Variants in VWA8 observed in about 807,000 individuals in gnomAD.
VWA8 encodes von Willebrand factor A domain-containing protein 8.
A neutral mutation model predicts 241.5 loss-of-function variants in VWA8; 221 were observed. The ratio of observed to expected loss-of-function variants is 0.91; its 90% CI spans 0.82 to 1.02. The LOEUF (loss-of-function observed/expected upper bound fraction) is 1.02, where lower values mean the gene tolerates loss of function less well. Among genes scored for constraint, VWA8 ranks in the 50% least tolerant of loss-of-function variants. The pLI is 0.00. For synonymous variants in VWA8, 852 were observed against 827.1 expected (o/e 1.03, Z -0.52); for missense variants, 2,322 against 2,328.7 (o/e 1.00, Z 0.06).
chr13:41,819,136 A>C (rs1870832656), intron 15 of VWA8, 82 bp downstream of exon 15: 1 of 1,411,280 alleles, frequency 7.1e-7, no homozygotes, highest in Non-Finnish European at 9.5e-7. Flanking sequence ...AAAATGTCTA[A>C]CTCTACTTTG....
At chr13:41,590,815 T>A in intron 40 of VWA8, 50 bp from the exon 41 acceptor site, 1 of 1,598,068 alleles carries the variant, frequency 6.3e-7, no homozygotes, top group Non-Finnish European at 8.6e-7. Context: ...TTATGCAGAG[T>A]CTCTGACATA....
intron 20 of VWA8, among the ~76,000 whole-genome samples, chr13:41,762,519 CT>C (rs1412005420): frequency 6.6e-6 from 1 of 152,110 alleles, no homozygotes; most frequent in African/African-American, 2.4e-5. Context: ...GAATATCTTT[CT>C]TTCAGTTTGA....
intron 37 of VWA8, among the ~76,000 whole-genome samples, chr13:41,625,076 AC>A (rs2044680787): frequency 6.6e-6 from 1 of 152,222 alleles, no homozygotes; most frequent in South Asian, 2.1e-4. Flanking sequence ...CACAATAGCC[AC>A]AAAAAGAGTA....
chr13:41,937,890 G>C (rs992104063), intron 2 of VWA8, among the ~76,000 whole-genome samples: 7 of 152,184 alleles, frequency 4.6e-5, no homozygotes, highest in Admixed American at 6.5e-5. Context: ...GCCAGCCATG[G>C]TAGCTCACAC....
chr13:41,814,895 G>A (rs971923636), intron 16 of VWA8, among the ~76,000 whole-genome samples: 2 of 152,106 alleles, frequency 1.3e-5, no homozygotes, highest in Non-Finnish European at 2.9e-5. Flanking sequence ...ACTGAAATCC[G>A]AGAGAAGGAA....
intron 14 of VWA8, 29 bp from the exon 15 acceptor site, chr13:41,819,415 T>C (rs750735884): frequency 1.9e-6 from 3 of 1,580,886 alleles, no homozygotes; most frequent in Middle Eastern, 1.7e-4. Context: ...TGAAAAAAAA[T>C]AACATATCTT....
At chr13:41,798,330 T>G (rs1344651045) in intron 17 of VWA8, among the ~76,000 whole-genome samples, 2 of 152,198 alleles carry the variant, frequency 1.3e-5, no homozygotes, top group Non-Finnish European at 2.9e-5. Flanking sequence ...GTCTCCTGCT[T>G]ACTGAAATAT....
Position 41,598,808 on chromosome 13 carries a change from C to T in VWA8, c.4986+6360G>A, listed in dbSNP as rs12857588. On this transcript the variant is annotated intron_variant, in intron 40 of 44. Transcript: ENST00000379310. ...TCTCTGACAATAGCTTGTTTTTCAA[C>T]TGCTTCTCTGCTTTTAGGATTTTTT... Among the ~76,000 whole-genome samples, 1,114 of 150,518 alleles carry T rather than the reference C, an allele frequency of 7.4e-3. 8 individuals carry two copies. The highest frequency in any genetic ancestry group is 0.033 in the South Asian group (156 of 4,718).
At chr13:41,920,287 C>T (rs2138124738) in intron 2 of VWA8, among the ~76,000 whole-genome samples, 1 of 152,218 alleles carries the variant, frequency 6.6e-6, no homozygotes, top group East Asian at 1.9e-4. Context: ...TCCCCTTCTT[C>T]CCTGGAGCCA....
chr13:41,871,575 A>G (rs867272374), intron 9 of VWA8, among the ~76,000 whole-genome samples: 1,675 of 151,920 alleles, frequency 0.011, 30 homozygotes, highest in African/African-American at 0.039. Flanking sequence ...TTGTTCTTGC[A>G]ATAGTTTACT....
intron 37 of VWA8, among the ~76,000 whole-genome samples, chr13:41,655,460 T>C (rs566106817): frequency 2.7e-5 from 4 of 148,440 alleles, no homozygotes; most frequent in South Asian, 2.2e-4. Flanking sequence ...AATGTAGATA[T>C]ATAATATATA....
At chr13:41,599,976 G>C (rs544977991) in intron 40 of VWA8, among the ~76,000 whole-genome samples, 2 of 152,214 alleles carry the variant, frequency 1.3e-5, no homozygotes, top group African/African-American at 4.8e-5. Context: ...TAACAAAATG[G>C]AGGTCAAGTG....
At chr13:41,911,942 A>G (rs921313989) in intron 3 of VWA8, 96 bp downstream of exon 3, 2 of 1,269,498 alleles carry the variant, frequency 1.6e-6, no homozygotes, top group Non-Finnish European at 2.0e-6. Flanking sequence ...TCAAATAATG[A>G]CTAATTCTGA....
intron 12 of VWA8, among the ~76,000 whole-genome samples, chr13:41,843,491 A>G (rs1167215056): frequency 6.6e-6 from 1 of 152,210 alleles, no homozygotes; most frequent in Non-Finnish European, 1.5e-5. Flanking sequence ...AGAAATAACT[A>G]AAATCAGAGC....
rs184272635 is a variant in VWA8, at chr13:41,902,783, G to C, written c.483+4803C>G. On this transcript the variant is annotated intron_variant, in intron 4 of 44. Transcript: ENST00000379310. ...TATCATCAATCATCCTTAGTTTTAG[G>C]TGAGAATTAGTGAAGAGCTTAATGG... 1.0e-3 allele frequency among the ~76,000 whole-genome samples: 154 copies of C among 152,236 alleles called. 1 individual carries two copies. The highest frequency in any genetic ancestry group is 5.4e-3 in the Admixed American group (83 of 15,292).
intron 21 of VWA8, among the ~76,000 whole-genome samples, chr13:41,755,967 A>G (rs1232641334): frequency 6.6e-6 from 1 of 151,878 alleles, no homozygotes; most frequent in Admixed American, 6.6e-5. Context: ...AGGGTATAAT[A>G]AAGATTAAAA....
At chr13:41,644,646 G>C (rs2044819437) in intron 37 of VWA8, among the ~76,000 whole-genome samples, 2 of 152,238 alleles carry the variant, frequency 1.3e-5, no homozygotes, top group African/African-American at 4.8e-5. Context: ...TCCTGTGCAA[G>C]GTGGGTTCCC....
intron 9 of VWA8, among the ~76,000 whole-genome samples, chr13:41,877,087 C>A (rs1193087058): frequency 6.6e-6 from 1 of 151,998 alleles, no homozygotes; most frequent in Non-Finnish European, 1.5e-5. Context: ...GATAAAACCA[C>A]CAGAAAAACC....
intron 21 of VWA8, among the ~76,000 whole-genome samples, chr13:41,752,424 C>A (rs564739564): frequency 6.6e-6 from 1 of 152,124 alleles, no homozygotes; most frequent in Non-Finnish European, 1.5e-5. Context: ...AATGTTGATG[C>A]ATTTTCACCA....
Sources: allele counts gnomAD v4.1 joint callset (sites outside exome capture counted in the v4.1 genomes callset), GRCh38; gene constraint gnomAD v4.1.1; transcripts MANE v1.5; gene names NCBI Gene and HGNC (gene_info 2026-07-23, HGNC 2026-07-21).